Variants in CUX1 observed in about 807,000 individuals in gnomAD.
The protein encoded by CUX1 is cut like homeobox 1, also known as protein CASP.
A neutral mutation model predicts 158.8 loss-of-function variants in CUX1; 31 were observed. The observed-to-expected ratio is 0.20, with a 90% CI of 0.15 to 0.26. The LOEUF (loss-of-function observed/expected upper bound fraction) is 0.26, where lower values mean the gene tolerates loss of function less well. Ranked by LOEUF, CUX1 falls within the 10% of genes least tolerant of loss-of-function variation. The pLI is 1.00. For synonymous variants in CUX1, 879 were observed against 862.1 expected (o/e 1.02, Z -0.34); for missense variants, 1,589 against 2,014.6 (o/e 0.79, Z 4.04).
chr7:101,916,216 C>T lies in CUX1; in HGVS notation c.132C>T (p.Asn44=), dbSNP rs763823957. ...AACAGAGCCGGGAGTTCAAGAAGAA[C>T]ACTCCAGAGGTGAGGCGCGTGACCA... is the stretch of plus-strand genomic sequence containing the variant. ...LIEQSREFKK[N]TPEDLRKQVA... The change falls in exon 2 of 24, where the codon AAC becomes AAT. Residue 44 remains asparagine (N), a synonymous_variant. Coordinates refer to ENST00000292535, the MANE Select transcript of CUX1 (RefSeq NM_181552.4). This position sits in a 1 kb window ranked among gnomAD's most constrained non-coding sequence, Gnocchi z 4.4. 6.2e-7 allele frequency: 1 copy of T among 1,608,274 alleles called. No homozygotes were observed. Among genetic ancestry groups the T allele is most frequent in the Admixed American group, 1.7e-5 (1 of 59,996 alleles).
chr7:102,274,128 T>C, intron 15 of CUX1: 1 of 960,814 alleles, frequency 1.0e-6, no homozygotes, highest in South Asian at 1.3e-5. Flanking sequence ...GCACCCCGGA[T>C]GGCCCCACCC....
At chr7:101,834,995 CATAAATAA>C (rs60371062) in intron 1 of CUX1, among the ~76,000 whole-genome samples, 35,931 of 148,880 alleles carry the variant, frequency 0.24, 5,356 homozygotes, top group African/African-American at 0.43. Flanking sequence ...GACTCTGTGT[CATAAATAA>C]ATAAATAAAT....
chr7:102,130,074 C>A (rs552218234), intron 8 of CUX1, among the ~76,000 whole-genome samples: 1 of 152,308 alleles, frequency 6.6e-6, no homozygotes, highest in East Asian at 1.9e-4. Flanking sequence ...CTTTCATTCT[C>A]TTCCCGAGGT....
intron 2 of CUX1, chr7:101,960,071 G>A (rs1236167803): frequency 2.6e-5 from 4 of 152,294 alleles, no homozygotes; most frequent in East Asian, 1.9e-4. Flanking sequence ...GTTGGTTGGG[G>A]CGGCCTCCGT....
At chr7:101,995,274 TTA>T (rs1265579800) in intron 2 of CUX1, among the ~76,000 whole-genome samples, 2 of 152,132 alleles carry the variant, frequency 1.3e-5, no homozygotes, top group African/African-American at 2.4e-5. Flanking sequence ...CATGGCTCAC[TTA>T]TCCCTGCCAC....
At chr7:102,084,177 G>C (rs1554479663) in intron 4 of CUX1, among the ~76,000 whole-genome samples, 2 of 143,370 alleles carry the variant, frequency 1.4e-5, no homozygotes, top group African/African-American at 4.9e-5. Context: ...CGAGATTAAA[G>C]TTTATTTTCT....
At chr7:102,099,058 G>A (rs1554485409) in intron 5 of CUX1, among the ~76,000 whole-genome samples, 1 of 152,120 alleles carries the variant, frequency 6.6e-6, no homozygotes, top group Non-Finnish European at 1.5e-5. Flanking sequence ...GAAAGCATCT[G>A]TGATGATGTG....
intron 1 of CUX1, among the ~76,000 whole-genome samples, chr7:101,864,164 G>GT (rs562858199): frequency 0.012 from 1,665 of 142,434 alleles, 13 homozygotes; most frequent in African/African-American, 0.021. Flanking sequence ...TTTCTGGATT[G>GT]TTTTTTTTTT....
At chr7:102,276,921 C>A (rs537112549) in intron 17 of CUX1, among the ~76,000 whole-genome samples, 1 of 152,138 alleles carries the variant, frequency 6.6e-6, no homozygotes, top group Non-Finnish European at 1.5e-5. Flanking sequence ...CCGAACTGTA[C>A]ACTTTGAAAT....
rs1263836277 is a variant in CUX1 at position 102,281,012 on chromosome 7, G to T, written c.1821+152G>T. 21 of 682,950 alleles carry T rather than the reference G, an allele frequency of 3.1e-5. No individual in the cohort carries two copies. In the East Asian group the frequency reaches 5.2e-4, roughly 17 times the overall value. The allele number at this position is 682,950 out of a possible 1,614,324, so 42.3% of individuals were successfully genotyped here. On this transcript the variant is annotated intron_variant, in intron 20 of 22. Coordinates refer to the CUX1 transcript ENST00000292538. ...CTGGGACAGGGTCTCTCCCCTTCCC[G>T]GGCAGATCCTCTGAGAGCATGGTTC...
intron 1 of CUX1, chr7:101,913,563 C>T (rs1053841944): frequency 7.4e-5 from 22 of 299,308 alleles, no homozygotes; most frequent in Admixed American, 4.3e-4. Context: ...CACAGACCCC[C>T]GGCTCATCTG....
chr7:102,070,261 T>C, intron 3 of CUX1, 78 bp from the exon 4 acceptor site: 1 of 1,214,264 alleles, frequency 8.2e-7, no homozygotes, highest in Admixed American at 1.9e-5. Context: ...ATTCACTAGA[T>C]GTGTAATGCT....
chr7:101,925,069 T>C (rs767553226), intron 2 of CUX1, among the ~76,000 whole-genome samples: 3 of 152,192 alleles, frequency 2.0e-5, no homozygotes, highest in Non-Finnish European at 4.4e-5. Flanking sequence ...GTTGAGCCCA[T>C]TGAGTTGGCT....
chr7:101,816,273 T>C (rs981993574), upstream of CUX1, among the ~76,000 whole-genome samples: 7 of 142,602 alleles, frequency 4.9e-5, no homozygotes, highest in Non-Finnish European at 1.1e-4. Context: ...CCGGCCCCCA[T>C]TGATCACTCG....
chr7:101,996,362 T>G (rs1222980571), intron 2 of CUX1, among the ~76,000 whole-genome samples: 1 of 151,814 alleles, frequency 6.6e-6, no homozygotes, highest in Non-Finnish European at 1.5e-5. Context: ...CTGGCTATCC[T>G]GGAACCCCCC....
At chr7:101,913,185 G>T (rs1013308245) in intron 1 of CUX1, 16 of 262,454 alleles carry the variant, frequency 6.1e-5, no homozygotes, top group African/African-American at 3.7e-4. Flanking sequence ...CCTGGTCAAA[G>T]ATTTCAAGCC....
intron 22 of CUX1, 113 bp downstream of exon 22, chr7:102,234,353 C>T: frequency 9.7e-7 from 1 of 1,035,800 alleles, no homozygotes; most frequent in Non-Finnish European, 1.3e-6. Context: ...ACCAAGGGAC[C>T]AGAGGACAGG....
At chr7:102,213,669 C>A (rs1796769217) in intron 20 of CUX1, among the ~76,000 whole-genome samples, 1 of 152,188 alleles carries the variant, frequency 6.6e-6, no homozygotes, top group Non-Finnish European at 1.5e-5. Flanking sequence ...GTCATAGGAG[C>A]AAATGAGGAC....
At chr7:102,234,388 C>T (rs1799317039) in intron 22 of CUX1, 148 bp downstream of exon 22, 1 of 618,752 alleles carries the variant, frequency 1.6e-6, no homozygotes, top group Non-Finnish European at 2.4e-6. Context: ...GGATGGTCAT[C>T]AGCTAATGAG....
Sources: gnomAD v4.1 joint callset for allele counts (sites outside exome capture counted in the v4.1 genomes callset) on GRCh38, gnomAD v4.1.1 for gene constraint, Gnocchi (gnomAD v3.1) non-coding constraint, MANE v1.5 for transcripts, NCBI Gene and HGNC (gene_info 2026-07-23, HGNC 2026-07-21) for gene names.